Variants in CACNA2D1 observed in about 807,000 individuals in gnomAD.
CACNA2D1 encodes the protein voltage-dependent calcium channel subunit alpha-2/delta-1.
Under a neutral mutation model 171.5 loss-of-function variants are expected in CACNA2D1, and 53 were observed. The observed-to-expected ratio is 0.31, with a 90% CI of 0.25 to 0.39. The LOEUF (loss-of-function observed/expected upper bound fraction) is 0.39. CACNA2D1 is among the 10% of genes least tolerant of loss of function. CACNA2D1 has a pLI of 1.00. For missense variants in CACNA2D1, 903 were observed against 1,299.8 expected, an observed-to-expected ratio of 0.69 and a Z score of 4.69; for synonymous variants, 442 against 443.1, an observed-to-expected ratio of 1.00 and a Z score of 0.03.
At chr7:82,056,022 A>AT (rs1295739425) in intron 10 of CACNA2D1, among the ~76,000 whole-genome samples, 16 of 145,028 alleles carry the variant, frequency 1.1e-4, no homozygotes, top group Non-Finnish European at 2.0e-4. Flanking sequence ...AAAAAAAAAA[A>AT]AAAAAAAAAG....
intron 1 of CACNA2D1, among the ~76,000 whole-genome samples, chr7:82,350,212 A>G (rs1204443996): frequency 1.3e-5 from 2 of 152,196 alleles, no homozygotes; most frequent in African/African-American, 2.4e-5. Context: ...TACATTTTGT[A>G]AACATTTTAT....
chr7:82,154,588 A>G (rs899203692), intron 4 of CACNA2D1, among the ~76,000 whole-genome samples: 1 of 152,104 alleles, frequency 6.6e-6, no homozygotes, highest in Non-Finnish European at 1.5e-5. Flanking sequence ...TGTATCCTTG[A>G]GCTTAAATTT....
At chr7:82,111,444 A>ATATATTT (rs1207440298) in intron 6 of CACNA2D1, among the ~76,000 whole-genome samples, 5 of 69,966 alleles carry the variant, frequency 7.1e-5, no homozygotes, top group Admixed American at 3.1e-4. Context: ...ATATATATAT[A>ATATATTT]TTTTTTTTTT....
chr7:82,031,645 T>C (rs1348279229), intron 12 of CACNA2D1, among the ~76,000 whole-genome samples: 1 of 151,966 alleles, frequency 6.6e-6, no homozygotes, highest in Non-Finnish European at 1.5e-5. Flanking sequence ...TTTCAAATAC[T>C]CATAGGCCGA....
intron 1 of CACNA2D1, among the ~76,000 whole-genome samples, chr7:82,386,847 A>C (rs1329368043): frequency 6.6e-6 from 1 of 151,758 alleles, no homozygotes; most frequent in Non-Finnish European, 1.5e-5. Context: ...ACTGCCCTAC[A>C]TCCATTTAAA....
intron 6 of CACNA2D1, among the ~76,000 whole-genome samples, chr7:82,112,356 A>G (rs906573013): frequency 6.6e-6 from 1 of 152,206 alleles, no homozygotes; most frequent in African/African-American, 2.4e-5. Flanking sequence ...TGAATGGTCT[A>G]CCAAAACCAT....
intron 1 of CACNA2D1, among the ~76,000 whole-genome samples, chr7:82,407,102 CAA>C (rs1013175444): frequency 5.3e-5 from 8 of 152,112 alleles, no homozygotes; most frequent in African/African-American, 1.4e-4. Flanking sequence ...TTGATATAGA[CAA>C]AGAGTTGCAG....
chr7:82,197,576 G>T (rs903935250), intron 3 of CACNA2D1, among the ~76,000 whole-genome samples: 4 of 152,034 alleles, frequency 2.6e-5, no homozygotes, highest in African/African-American at 9.7e-5. Flanking sequence ...AATGCAGTGT[G>T]ATGTGTCACA....
chr7:81,977,538 A>G (rs775031719), intron 24 of CACNA2D1, among the ~76,000 whole-genome samples: 1 of 152,186 alleles, frequency 6.6e-6, no homozygotes, highest in African/African-American at 2.4e-5. Context: ...GGCTAGCCAC[A>G]TGCAGAAAAC....
rs147924414 is a variant in CACNA2D1, at chr7:82,157,463, G to A, written c.354+13087C>T. On this transcript the variant is annotated intron_variant, in intron 4 of 38. Transcript: ENST00000356860. ...TGCCACCACAAATAAAGACTTGTGA[G>A]ACAGAAGAAACTTCGAGGATTAAAA... 4.4e-3 allele frequency among the ~76,000 whole-genome samples: 674 copies of A among 152,102 alleles called. 5 individuals are homozygous for A. The highest frequency in any genetic ancestry group is 0.018 in the South Asian group (86 of 4,818).
chr7:82,297,072 CAA>C (rs57473351), intron 3 of CACNA2D1, among the ~76,000 whole-genome samples: 27 of 72,238 alleles, frequency 3.7e-4, no homozygotes, highest in Non-Finnish European at 5.9e-4. Flanking sequence ...CTGTGTCTAC[CAA>C]AAAAAAAAAA....
At chr7:82,401,498 T>C (rs968946588) in intron 1 of CACNA2D1, among the ~76,000 whole-genome samples, 14 of 146,278 alleles carry the variant, frequency 9.6e-5, no homozygotes, top group Non-Finnish European at 1.5e-4. Flanking sequence ...TAGGTGGGAA[T>C]TGAACAATGA....
chr7:82,307,384 T>TGACCTCAAGTGATCCTCCC (rs1395371734), intron 3 of CACNA2D1, among the ~76,000 whole-genome samples: 1 of 151,650 alleles, frequency 6.6e-6, no homozygotes, highest in Non-Finnish European at 1.5e-5. Flanking sequence ...TCTGAACTCC[T>TGACCTCAAGTGATCCTCCC]GACCTCAAGT....
intron 6 of CACNA2D1, among the ~76,000 whole-genome samples, chr7:82,105,499 T>G (rs1252101050): frequency 6.7e-6 from 1 of 148,854 alleles, no homozygotes; most frequent in East Asian, 2.0e-4. Flanking sequence ...CTCCTCCAGG[T>G]CAAAAAATTC....
At chr7:82,147,425 C>T (rs992413369) in intron 4 of CACNA2D1, among the ~76,000 whole-genome samples, 3 of 152,100 alleles carry the variant, frequency 2.0e-5, no homozygotes, top group African/African-American at 7.2e-5. Flanking sequence ...CTCCCAGAAA[C>T]CTCATTCCAG....
intron 3 of CACNA2D1, among the ~76,000 whole-genome samples, chr7:82,279,169 T>C (rs907181948): frequency 3.3e-5 from 5 of 152,196 alleles, no homozygotes; most frequent in African/African-American, 1.2e-4. Context: ...GTTAAGGTAA[T>C]TCCATTATGA....
intron 3 of CACNA2D1, among the ~76,000 whole-genome samples, chr7:82,174,144 T>C (rs1040407845): frequency 7.1e-5 from 10 of 140,434 alleles, no homozygotes; most frequent in Admixed American, 1.5e-4. Flanking sequence ...TATATAAGTA[T>C]ATCCTGTAAC....
At chr7:82,314,529 G>A (rs140546301) in intron 3 of CACNA2D1, among the ~76,000 whole-genome samples, 2,343 of 152,290 alleles carry the variant, frequency 0.015, 46 homozygotes, top group Middle Eastern at 0.068. Flanking sequence ...TTGCAAGAAA[G>A]TATAACATTA....
At chr7:82,174,206 T>C (rs1249267017) in intron 3 of CACNA2D1, among the ~76,000 whole-genome samples, 1 of 151,794 alleles carries the variant, frequency 6.6e-6, no homozygotes, top group Non-Finnish European at 1.5e-5. Context: ...TTTTCTGATT[T>C]ATGGCACAGC....
Sources: allele counts gnomAD v4.1 joint callset (sites outside exome capture counted in the v4.1 genomes callset), GRCh38; gene constraint gnomAD v4.1.1; transcripts MANE v1.5; gene names NCBI Gene and HGNC (gene_info 2026-07-23, HGNC 2026-07-21).